The following TMEM120B variants were observed in gnomAD, a reference collection of about 807,000 sequenced individuals.
TMEM120B encodes the protein transmembrane protein 120B.
In TMEM120B, 31 loss-of-function variants were observed where a neutral mutation model predicts 55.5. The ratio of observed to expected loss-of-function variants is 0.56; its 90% CI spans 0.42 to 0.75. TMEM120B has a LOEUF of 0.75. TMEM120B is among the 30% of genes least tolerant of loss of function. The pLI is 0.00. For missense variants in TMEM120B, 399 were observed against 425.5 expected (o/e 0.94, Z 0.55); for synonymous variants, 203 against 176.3 (o/e 1.15, Z -1.20).
chr12:121,722,450 A>G (rs943624164), intron 1 of TMEM120B, among the ~76,000 whole-genome samples: 2 of 152,186 alleles, frequency 1.3e-5, no homozygotes, highest in Non-Finnish European at 1.5e-5. Context: ...AAATTCATGT[A>G]GCAGCCATGC....
chr12:121,718,429 C>A (rs1200068098), intron 1 of TMEM120B, among the ~76,000 whole-genome samples: 1 of 152,108 alleles, frequency 6.6e-6, no homozygotes, highest in Non-Finnish European at 1.5e-5. Flanking sequence ...TCGCTTGAAC[C>A]CAGAAGGCGG....
At chr12:121,730,683 C>G (rs7976443) in intron 1 of TMEM120B, among the ~76,000 whole-genome samples, 3 of 145,384 alleles carry the variant, frequency 2.1e-5, no homozygotes, top group Non-Finnish European at 4.5e-5. Flanking sequence ...AAAAACCGGG[C>G]GCGGTGGCTC....
chr12:121,750,659 A>AT (rs1873256118), intron 4 of TMEM120B, among the ~76,000 whole-genome samples: 2 of 116,296 alleles, frequency 1.7e-5, no homozygotes, highest in Non-Finnish European at 1.8e-5. Flanking sequence ...CCACACCCAC[A>AT]CCCACACCCA....
At chr12:121,740,719 G>A (rs981501874) in intron 1 of TMEM120B, among the ~76,000 whole-genome samples, 2 of 152,006 alleles carry the variant, frequency 1.3e-5, no homozygotes, top group Non-Finnish European at 2.9e-5. Context: ...GTTGAAACCC[G>A]TGTCGTTTAA....
chr12:121,761,820 C>A, intron 6 of TMEM120B, 82 bp downstream of exon 6: 1 of 1,095,964 alleles, frequency 9.1e-7, no homozygotes, highest in Non-Finnish European at 1.4e-6. Flanking sequence ...GGGGCCGACA[C>A]CCTCAGGCTG....
chr12:121,745,439 G>A (rs1379973556), intron 2 of TMEM120B, among the ~76,000 whole-genome samples: 4 of 152,116 alleles, frequency 2.6e-5, no homozygotes, highest in Admixed American at 2.6e-4. Context: ...TGCCCAGGCT[G>A]GGGTGCAGTG....
rs933402841 is a variant in TMEM120B at position 121,781,023 on chromosome 12, C to T, written c.*5301C>T. The T allele has an allele frequency of 5.1e-5, 82 of 1,612,796 alleles. No individual in the cohort carries two copies. Among genetic ancestry groups the T allele is most frequent in the Non-Finnish European group, 6.4e-5 (75 of 1,179,196 alleles). ...AGGGAACCACTGTGGAGGGAGGAGG[C>T]GGGATCAGGGGTGCGGCCGGGCCCA... On this transcript the variant is annotated 3_prime_UTR_variant, in exon 12 of 12. Transcript: ENST00000449592.
chr12:121,764,647 C>CT (rs1380973996), intron 6 of TMEM120B, among the ~76,000 whole-genome samples: 2 of 151,828 alleles, frequency 1.3e-5, no homozygotes, highest in Non-Finnish European at 2.9e-5. Context: ...AAGTGAGACC[C>CT]TGACTCAAAA....
At position 121,781,364 on chromosome 12, in the gene TMEM120B, GGGAGGCTGAGGCC is replaced by G; in HGVS notation, c.*5648_*5660del. ...CACAGGCCTGTGGTCGCAGCTACTCGGGAGGCTGAGGCCGGAGGATCGCTTGAGCCCAGGAGGT... is the reference window on the plus strand; with the variant it reads ...CACAGGCCTGTGGTCGCAGCTACTCGGGAGGATCGCTTGAGCCCAGGAGGT... On this transcript the variant is annotated 3_prime_UTR_variant, in exon 12 of 12. Coordinates refer to ENST00000449592, the MANE Select transcript of TMEM120B (RefSeq NM_001080825.2). 6.6e-6 allele frequency: 4 copies of G among 604,018 alleles called. No individual in the cohort carries two copies. Among genetic ancestry groups the G allele is most frequent in the Non-Finnish European group, 1.2e-5 (4 of 343,926 alleles). 37.4% of individuals were successfully genotyped at this position (604,018 alleles called of 1,614,324 possible).
At chr12:121,753,654 A>G (rs1027254682) in intron 5 of TMEM120B, among the ~76,000 whole-genome samples, 2 of 152,158 alleles carry the variant, frequency 1.3e-5, no homozygotes, top group Non-Finnish European at 2.9e-5. Flanking sequence ...ACTAAATTAT[A>G]TACTTTAAAA....
intron 1 of TMEM120B, among the ~76,000 whole-genome samples, chr12:121,713,306 C>G (rs1592918973): frequency 6.6e-6 from 1 of 152,118 alleles, no homozygotes; most frequent in African/African-American, 2.4e-5. Context: ...CAGCCCAGCC[C>G]CCACCTCTGC....
At chr12:121,762,381 C>G (rs1211605466) in intron 6 of TMEM120B, among the ~76,000 whole-genome samples, 1 of 152,128 alleles carries the variant, frequency 6.6e-6, no homozygotes, top group Non-Finnish European at 1.5e-5. Context: ...TCTCAGGCTG[C>G]TATTGGGGCA....
intron 8 of TMEM120B, among the ~76,000 whole-genome samples, chr12:121,772,591 C>G (rs11043193): frequency 0.2 from 29,868 of 151,702 alleles, 4,543 homozygotes; most frequent in African/African-American, 0.41. Context: ...TGCCTGGTTA[C>G]TTTTTGTATT....
At chr12:121,743,109 A>T (rs1162894260) in intron 1 of TMEM120B, among the ~76,000 whole-genome samples, 1 of 152,156 alleles carries the variant, frequency 6.6e-6, no homozygotes, top group Non-Finnish European at 1.5e-5. Context: ...TATTTCAGGA[A>T]TGAGCTATTG....
intron 1 of TMEM120B, among the ~76,000 whole-genome samples, chr12:121,729,894 T>C (rs1339473111): frequency 6.6e-6 from 1 of 152,186 alleles, no homozygotes; most frequent in Non-Finnish European, 1.5e-5. Context: ...GCAACCCATC[T>C]TCCATCCATC....
chr12:121,775,485 T>C lies in TMEM120B; in HGVS notation c.907-124T>C. On this transcript the variant is annotated intron_variant, in intron 11 of 11. Transcript: ENST00000449592. The surrounding 1 kb of genome is among the most constrained non-coding windows in gnomAD (Gnocchi z 4.3). ...CCCCAGGTCTCCTGAATCTCTGCCT[T>C]CGATGGCAAAACCCTGCAGTTTGGG... The C allele has an allele frequency of 6.9e-7, 1 of 1,457,674 alleles. No individual in the cohort carries two copies. The highest frequency in any genetic ancestry group is 1.4e-5 in the African/African-American group (1 of 70,780). 90.3% of individuals were successfully genotyped at this position (1,457,674 alleles called of 1,614,324 possible).
At chr12:121,753,583 A>C (rs961433591) in intron 5 of TMEM120B, among the ~76,000 whole-genome samples, 18 of 151,606 alleles carry the variant, frequency 1.2e-4, no homozygotes, top group South Asian at 2.1e-4. Flanking sequence ...AAACAAACAA[A>C]AAAAAAAAGA....
At position 121,760,162 on chromosome 12, in the gene TMEM120B, G is replaced by T. The variant is rs1435630358; in HGVS notation, c.462-1487G>T. On this transcript the variant is annotated intron_variant, in intron 5 of 11. Coordinates refer to ENST00000449592, the MANE Select transcript of TMEM120B (RefSeq NM_001080825.2). The stretch of plus-strand genomic sequence containing the variant: ...AAAAAAAAAAAAAAAAATTAGCTGG[G>T]TGTGGTGGAGCATGCCTGTAGTCCC... Among the ~76,000 whole-genome samples, 7 of 151,330 alleles carry T rather than the reference G, an allele frequency of 4.6e-5. No individual in the cohort carries two copies. The East Asian group carries it at 9.7e-4, about 21-fold the overall frequency.
intron 8 of TMEM120B, among the ~76,000 whole-genome samples, 157 bp downstream of exon 8, chr12:121,771,706 C>T (rs1287883507): frequency 2.0e-5 from 3 of 152,040 alleles, no homozygotes; most frequent in Admixed American, 6.6e-5. Flanking sequence ...GAGCTGTCCC[C>T]GCCCCAGGTC....
Sources: gnomAD v4.1 joint callset for allele counts (sites outside exome capture counted in the v4.1 genomes callset) on GRCh38, gnomAD v4.1.1 for gene constraint, Gnocchi (gnomAD v3.1) non-coding constraint, MANE v1.5 for transcripts, NCBI Gene and HGNC (gene_info 2026-07-23, HGNC 2026-07-21) for gene names.